VPS8: variants seen among roughly 807,000 people sequenced by gnomAD.
The protein encoded by VPS8 is vacuolar protein sorting-associated protein 8 homolog.
Under a neutral mutation model 216.4 loss-of-function variants are expected in VPS8, and 129 were observed. The ratio of observed to expected loss-of-function variants is 0.60; its 90% CI spans 0.52 to 0.69. VPS8 has a LOEUF of 0.69. Among genes scored for constraint, VPS8 ranks in the 30% least tolerant of loss-of-function variants. The pLI, the probability that VPS8 is intolerant of heterozygous loss-of-function variation, is 0.00. For synonymous variants in VPS8, 571 were observed against 565.4 expected (o/e 1.01, Z -0.14); for missense variants, 1,531 against 1,683.5 (o/e 0.91, Z 1.59).
intron 45 of VPS8, among the ~76,000 whole-genome samples, chr3:185,016,853 G>T (rs1449101382): frequency 6.6e-6 from 1 of 152,046 alleles, no homozygotes; most frequent in Non-Finnish European, 1.5e-5. Context: ...TTTCTTAGCG[G>T]CCATTGTTCT....
Position 184,839,737 on chromosome 3 carries a change from T to C in VPS8, c.520T>C (p.Leu174=), listed in dbSNP as rs760256219. The part of the protein sequence containing the change: ...SLIAVGTSHG[L]ALIFGKDQNQ... ...GATAGCAGTGGGTACATCTCATGGA[T>C]TGGCTTTAATATTTGGTAAATTTTT... The change falls in exon 7 of 48, where the codon TTG becomes CTG. Residue 174 remains leucine (L), a synonymous_variant. Coordinates refer to ENST00000625842, the MANE Select transcript of VPS8 (RefSeq NM_001009921.3). 1.9e-6 allele frequency: 3 copies of C among 1,604,112 alleles called. No homozygotes were observed. The highest frequency in any genetic ancestry group is 3.4e-5 in the Admixed American group (2 of 58,684).
intron 18 of VPS8, chr3:184,868,373 TC>T: frequency 4.1e-6 from 1 of 242,902 alleles, no homozygotes; most frequent in Non-Finnish European, 7.9e-6. Flanking sequence ...GCTGTCCTGT[TC>T]CACCATGTTT....
chr3:184,816,475 CAG>C (rs1301619884), intron 1 of VPS8, among the ~76,000 whole-genome samples: 1 of 152,190 alleles, frequency 6.6e-6, no homozygotes, highest in Non-Finnish European at 1.5e-5. Context: ...GAAAGAGAAA[CAG>C]AGGGTTGGGC....
chr3:184,841,163 T>C (rs1722067320), intron 7 of VPS8, among the ~76,000 whole-genome samples: 1 of 152,168 alleles, frequency 6.6e-6, no homozygotes, highest in African/African-American at 2.4e-5. Context: ...TTAAAACCTA[T>C]ATAGTTGATA....
chr3:184,966,755 C>T (rs1164883073), intron 39 of VPS8, 42 bp downstream of exon 39: 1 of 1,424,668 alleles, frequency 7.0e-7, no homozygotes, highest in Non-Finnish European at 9.7e-7. Context: ...CATCCTTGGA[C>T]CCCATGTTTT....
intron 40 of VPS8, among the ~76,000 whole-genome samples, chr3:184,977,129 A>AT (rs750326360): frequency 6.6e-6 from 1 of 152,034 alleles, no homozygotes; most frequent in Non-Finnish European, 1.5e-5. Context: ...AATGTCCGCT[A>AT]TTTTTTGACT....
chr3:184,945,432 A>C (rs989933614), intron 36 of VPS8, among the ~76,000 whole-genome samples: 4 of 152,082 alleles, frequency 2.6e-5, no homozygotes, highest in African/African-American at 9.7e-5. Context: ...GGAGGAAGAT[A>C]GGCAGAAGCA....
chr3:184,884,881 A>G (rs138914796), intron 21 of VPS8, among the ~76,000 whole-genome samples: 33 of 152,280 alleles, frequency 2.2e-4, no homozygotes, highest in African/African-American at 7.7e-4. Context: ...GAGCTCAGCT[A>G]TGTATTTTAA....
At chr3:184,839,886 A>G (rs1721801622) in intron 7 of VPS8, 134 bp downstream of exon 7, 2 of 1,422,910 alleles carry the variant, frequency 1.4e-6, no homozygotes, top group South Asian at 1.6e-5. Flanking sequence ...AGTAGCAGTC[A>G]GTATTTTTAT....
intron 42 of VPS8, among the ~76,000 whole-genome samples, chr3:184,987,058 C>A (rs1007863439): frequency 6.6e-6 from 1 of 152,012 alleles, no homozygotes; most frequent in African/African-American, 2.4e-5. Flanking sequence ...CTCTAAAAGG[C>A]CCCTGTGCTC....
chr3:184,865,453 C>T (rs1727159842), intron 16 of VPS8, among the ~76,000 whole-genome samples: 1 of 152,134 alleles, frequency 6.6e-6, no homozygotes, highest in Non-Finnish European at 1.5e-5. Flanking sequence ...CAACAGTGAT[C>T]TGTAAAGATT....
At chr3:184,908,925 A>C (rs1470478022) in intron 25 of VPS8, among the ~76,000 whole-genome samples, 1 of 152,248 alleles carries the variant, frequency 6.6e-6, no homozygotes, top group African/African-American at 2.4e-5. Context: ...GATTGGTTAA[A>C]AGGCATTATT....
intron 46 of VPS8, among the ~76,000 whole-genome samples, chr3:185,030,017 G>A (rs1051403432): frequency 2.0e-5 from 3 of 152,146 alleles, no homozygotes; most frequent in Admixed American, 6.5e-5. Flanking sequence ...CAGTAACGAA[G>A]TTGGAAGATA....
intron 22 of VPS8, among the ~76,000 whole-genome samples, chr3:184,890,326 A>G (rs1202301118): frequency 2.0e-5 from 3 of 152,160 alleles, no homozygotes; most frequent in African/African-American, 7.2e-5. Context: ...CAGCTAGCCA[A>G]TTTCAGGTAA....
intron 8 of VPS8, among the ~76,000 whole-genome samples, chr3:184,844,476 T>C (rs1282689672): frequency 2.0e-5 from 3 of 151,826 alleles, no homozygotes; most frequent in Admixed American, 6.6e-5. Context: ...TAAAGAATAG[T>C]GAATATTGGC....
At chr3:184,917,840 G>A (rs1737882842) in intron 28 of VPS8, among the ~76,000 whole-genome samples, 1 of 152,214 alleles carries the variant, frequency 6.6e-6, no homozygotes, top group African/African-American at 2.4e-5. Context: ...ATAACAAAAT[G>A]CATAGATTGG....
intron 45 of VPS8, among the ~76,000 whole-genome samples, chr3:185,010,164 T>C (rs528528802): frequency 6.6e-6 from 1 of 152,084 alleles, no homozygotes; most frequent in Non-Finnish European, 1.5e-5. Flanking sequence ...GGGAAAAAAA[T>C]TAACTTTAAA....
In VPS8 at chr3:184,849,095, G is replaced by C; in HGVS notation, c.566G>C (p.Cys189Ser). ...GKDQNQALRL[C>S]LGSTSVGGQY... ...GATCAGAATCAAGCTTTGCGACTCTGTCTGGGTAGCACTAGTGTTGGAGGT... is the reference window on the plus strand; with the variant it reads ...GATCAGAATCAAGCTTTGCGACTCTCTCTGGGTAGCACTAGTGTTGGAGGT... The change falls in exon 9 of 48, where the codon TGT becomes TCT. Residue 189 changes from cysteine (C) to serine (S), a missense_variant. By Grantham distance (112) the Cys-to-Ser change is moderately radical. This residue lies in a region of VPS8 where 1,318 missense variants were observed against 1,468.4 expected (regional missense o/e 0.90). Coordinates refer to ENST00000625842, the MANE Select transcript of VPS8 (RefSeq NM_001009921.3). 1 of 1,613,366 alleles carries C rather than the reference G, an allele frequency of 6.2e-7. No homozygotes were observed. The highest frequency in any genetic ancestry group is 8.5e-7 in the Non-Finnish European group (1 of 1,179,468).
intron 36 of VPS8, among the ~76,000 whole-genome samples, chr3:184,941,224 A>AT (rs1186552952): frequency 1.5e-5 from 1 of 66,694 alleles, no homozygotes; most frequent in African/African-American, 4.2e-5. Flanking sequence ...TGGTTGTAAA[A>AT]TTTTTTTGAA....
Sources: allele counts gnomAD v4.1 joint callset (sites outside exome capture counted in the v4.1 genomes callset), GRCh38; gene constraint gnomAD v4.1.1; regional missense constraint gnomAD v4.1.1; transcripts MANE v1.5; gene names NCBI Gene and HGNC (gene_info 2026-07-23, HGNC 2026-07-21).